The following LRRC37A2 variants were observed in gnomAD, a reference collection of about 807,000 sequenced individuals.
LRRC37A2 encodes leucine-rich repeat-containing protein 37A2.
Under a neutral mutation model 68.8 loss-of-function variants are expected in LRRC37A2, and 9 were observed. That is an observed-to-expected ratio of 0.13 (90% CI 0.08 to 0.23). LRRC37A2 has a LOEUF of 0.23. Among genes scored for constraint, LRRC37A2 ranks in the 10% least tolerant of loss-of-function variants. The probability of loss-of-function intolerance (pLI) is 1.00; values close to 1 mark genes in which losing one functional copy is unlikely to be tolerated. For missense variants in LRRC37A2, 168 were observed against 950.4 expected (o/e 0.18, Z 10.82); for synonymous variants, 63 against 367.6 (o/e 0.17, Z 9.48).
At chr17:46,716,054 G>A in the LRRC37A2 span, among the ~76,000 whole-genome samples, 1 of 152,084 alleles carries the variant, frequency 6.6e-6, no homozygotes, top group East Asian at 1.9e-4. Flanking sequence ...ATGAAGCATA[G>A]GTTTCTTAGA....
the LRRC37A2 span, chr17:46,704,754 C>G: frequency 1.9e-6 from 3 of 1,604,404 alleles, no homozygotes; most frequent in African/African-American, 2.7e-5. Context: ...TTTATCTCTT[C>G]TTAGGCCAGT....
chr17:46,923,693 G>T, the LRRC37A2 span: 3 of 712,964 alleles, frequency 4.2e-6, no homozygotes, highest in African/African-American at 5.5e-5. Context: ...CATTTTTATG[G>T]TACAAAGAAA....
chr17:46,874,938 C>T, the LRRC37A2 span: 1 of 1,095,600 alleles, frequency 9.1e-7, no homozygotes, highest in South Asian at 1.3e-5. Flanking sequence ...GACAGGGAGA[C>T]CCACCCGGAG....
chr17:46,708,150 G>A, the LRRC37A2 span, among the ~76,000 whole-genome samples: 1 of 152,046 alleles, frequency 6.6e-6, no homozygotes, highest in Non-Finnish European at 1.5e-5. Flanking sequence ...GCTGTCATTA[G>A]CATGGCTGTA....
chr17:46,929,629 G>C, the LRRC37A2 span: 1 of 925,270 alleles, frequency 1.1e-6, no homozygotes, highest in Non-Finnish European at 1.8e-6. Flanking sequence ...TCTGATGACA[G>C]GGTGCTAATG....
the LRRC37A2 span, among the ~76,000 whole-genome samples, chr17:46,950,431 G>T: frequency 6.6e-6 from 1 of 152,190 alleles, no homozygotes; most frequent in Non-Finnish European, 1.5e-5. Flanking sequence ...CTAAGTGTAT[G>T]ATCAGTGCCA....
At chr17:46,935,845 C>T in the LRRC37A2 span, 1 of 986,198 alleles carries the variant, frequency 1.0e-6, no homozygotes, top group Non-Finnish European at 1.2e-6. Flanking sequence ...CAGCCTCTGC[C>T]CTTTTCCTGT....
At chr17:46,835,300 C>T in the LRRC37A2 span, among the ~76,000 whole-genome samples, 1 of 152,184 alleles carries the variant, frequency 6.6e-6, no homozygotes, top group Non-Finnish European at 1.5e-5. Context: ...CAAGCTCCGC[C>T]TCCCGGGTTC....
chr17:46,833,121 A>C, the LRRC37A2 span: 1 of 357,428 alleles, frequency 2.8e-6, no homozygotes, highest in South Asian at 2.1e-5. Context: ...TTGTTGACAA[A>C]ACGAGCTCAT....
At chr17:46,723,919 C>T in the LRRC37A2 span, among the ~76,000 whole-genome samples, 1 of 152,188 alleles carries the variant, frequency 6.6e-6, no homozygotes, top group Non-Finnish European at 1.5e-5. Context: ...CCTTTAGTGG[C>T]TTGTTATTGC....
At chr17:46,770,872 A>T in the LRRC37A2 span, among the ~76,000 whole-genome samples, 1 of 152,238 alleles carries the variant, frequency 6.6e-6, no homozygotes. Context: ...ATAGATGTGG[A>T]CATTGACGAT....
chr17:46,746,372 G>C, the LRRC37A2 span, among the ~76,000 whole-genome samples: 1 of 152,270 alleles, frequency 6.6e-6, no homozygotes, highest in South Asian at 2.1e-4. Flanking sequence ...GCCCATTCTT[G>C]GCACAGCAGG....
the LRRC37A2 span, among the ~76,000 whole-genome samples, chr17:46,709,440 T>C: frequency 2.5e-3 from 381 of 152,144 alleles, 1 homozygote; most frequent in African/African-American, 8.5e-3. Context: ...AAGCTTCTGC[T>C]GTGAGGCTTG....
chr17:46,708,326 C>G, the LRRC37A2 span, among the ~76,000 whole-genome samples: 2 of 152,144 alleles, frequency 1.3e-5, no homozygotes, highest in Admixed American at 1.3e-4. Flanking sequence ...CACAAAAATT[C>G]TGACTTCTCC....
At chr17:46,942,819 C>T in the LRRC37A2 span, among the ~76,000 whole-genome samples, 1 of 152,118 alleles carries the variant, frequency 6.6e-6, no homozygotes, top group African/African-American at 2.4e-5. Flanking sequence ...TTTCTGTGTC[C>T]TTTTCATTTC....
the LRRC37A2 span, among the ~76,000 whole-genome samples, chr17:47,034,041 A>G: frequency 6.6e-6 from 1 of 152,224 alleles, no homozygotes; most frequent in Non-Finnish European, 1.5e-5. Context: ...CTGTGAATCT[A>G]AAAACACTCA....
chr17:46,958,864 T>G, the LRRC37A2 span, among the ~76,000 whole-genome samples: 1 of 152,356 alleles, frequency 6.6e-6, no homozygotes, highest in African/African-American at 2.4e-5. Flanking sequence ...CCTCCCAGAC[T>G]TGCTGTGTGG....
the LRRC37A2 span, among the ~76,000 whole-genome samples, chr17:46,496,598 A>C: frequency 8.0e-6 from 1 of 125,662 alleles, no homozygotes; most frequent in African/African-American, 3.3e-5. Flanking sequence ...GCAAGACTCC[A>C]TCTCAAAAGA....
At chr17:47,008,353 C>A in the LRRC37A2 span, among the ~76,000 whole-genome samples, 2,322 of 152,060 alleles carry the variant, frequency 0.015, 42 homozygotes, top group African/African-American at 0.054. Flanking sequence ...CCTCGTGATC[C>A]GCCCGGCTTG....
Sources: gnomAD v4.1 joint callset for allele counts (sites outside exome capture counted in the v4.1 genomes callset) on GRCh38, gnomAD v4.1.1 for gene constraint, MANE v1.5 for transcripts, NCBI Gene and HGNC (gene_info 2026-07-23, HGNC 2026-07-21) for gene names.